GALNT7: variants seen among roughly 807,000 people sequenced by gnomAD.
GALNT7 encodes the protein polypeptide N-acetylgalactosaminyltransferase 7.
In GALNT7, 60 loss-of-function variants were observed where a neutral mutation model predicts 82.1. That is an observed-to-expected ratio of 0.73 (90% confidence interval 0.59 to 0.91). The LOEUF (loss-of-function observed/expected upper bound fraction) is 0.91. Ranked by LOEUF, GALNT7 falls within the 40% of genes least tolerant of loss-of-function variation. GALNT7 has a pLI of 0.00. For synonymous variants in GALNT7, 243 were observed against 275.1 expected (o/e 0.88, Z 1.15); for missense variants, 660 against 804.2 (o/e 0.82, Z 2.17).
At chr4:173,284,088 C>T (rs140065219) in intron 2 of GALNT7, among the ~76,000 whole-genome samples, 2 of 152,252 alleles carry the variant, frequency 1.3e-5, no homozygotes, top group East Asian at 1.9e-4. Context: ...CAAAAAGATT[C>T]GTTTAGTTTT....
At chr4:173,241,223 A>AAAG (rs1554023681) in intron 1 of GALNT7, among the ~76,000 whole-genome samples, 28,758 of 146,536 alleles carry the variant, frequency 0.2, 3,233 homozygotes, top group African/African-American at 0.29. Flanking sequence ...AAAAAAAAAA[A>AAAG]AAGAAAGAAA....
intron 8 of GALNT7, among the ~76,000 whole-genome samples, chr4:173,304,930 A>G (rs113874560): frequency 1.1e-3 from 169 of 152,210 alleles, no homozygotes; most frequent in African/African-American, 3.6e-3. Context: ...CTGTTGATGG[A>G]CACTTAGCTT....
chr4:173,313,570 CAA>C (rs957463269), intron 8 of GALNT7, among the ~76,000 whole-genome samples: 21 of 62,352 alleles, frequency 3.4e-4, no homozygotes, highest in Admixed American at 7.3e-4. Flanking sequence ...GACCCCATCA[CAA>C]AAAAAAAAAA....
chr4:173,285,006 G>GA lies in GALNT7; in HGVS notation c.588-7095dup, dbSNP rs535602902. On this transcript the variant is annotated intron_variant, in intron 2 of 11. Coordinates refer to ENST00000265000, the MANE Select transcript of GALNT7 (RefSeq NM_017423.3). ...CTTTTATTTCAAAGTTTAATTTACA[G>GA]AAAAAAATATATAATACCCTTTTGA... Among the ~76,000 whole-genome samples, 26 of 152,146 alleles carry GA rather than the reference G, an allele frequency of 1.7e-4. No homozygotes were observed. In the South Asian group the frequency reaches 5.2e-3, roughly 30 times the overall value.
intron 2 of GALNT7, among the ~76,000 whole-genome samples, chr4:173,256,576 T>A (rs1400623194): frequency 6.9e-6 from 1 of 144,132 alleles, no homozygotes; most frequent in East Asian, 2.3e-4. Flanking sequence ...CCTTCCCGTA[T>A]TTTTTTTCTG....
At chr4:173,299,004 CT>C (rs1274990779) in intron 6 of GALNT7, among the ~76,000 whole-genome samples, 1 of 152,230 alleles carries the variant, frequency 6.6e-6, no homozygotes, top group East Asian at 1.9e-4. Context: ...GAACATTTTA[CT>C]GTCTCTGTAA....
chr4:173,272,032 C>T (rs1429083496), intron 2 of GALNT7, among the ~76,000 whole-genome samples: 1 of 152,062 alleles, frequency 6.6e-6, no homozygotes, highest in African/African-American at 2.4e-5. Flanking sequence ...GTCTTTGTGC[C>T]CATCATTGAT....
chr4:173,293,682 G>A (rs925469300), intron 3 of GALNT7, among the ~76,000 whole-genome samples: 2 of 152,146 alleles, frequency 1.3e-5, no homozygotes, highest in African/African-American at 4.8e-5. Context: ...AGCTAACTGC[G>A]ACTGAGTTGG....
At chr4:173,278,145 G>A (rs1735983110) in intron 2 of GALNT7, among the ~76,000 whole-genome samples, 1 of 152,174 alleles carries the variant, frequency 6.6e-6, no homozygotes, top group South Asian at 2.1e-4. Context: ...GCCATCACTA[G>A]GTACCAGCAT....
chr4:173,185,139 C>T (rs1732425466), intron 1 of GALNT7, among the ~76,000 whole-genome samples: 1 of 152,190 alleles, frequency 6.6e-6, no homozygotes, highest in African/African-American at 2.4e-5. Flanking sequence ...ACAAAAATCA[C>T]CGTGCTTTGA....
At chr4:173,293,068 G>A (rs1736598929) in intron 3 of GALNT7, among the ~76,000 whole-genome samples, 1 of 151,934 alleles carries the variant, frequency 6.6e-6, no homozygotes, top group East Asian at 1.9e-4. Context: ...TAATTGAGAT[G>A]AACAAAAATC....
At chr4:173,197,519 T>C (rs2332656) in intron 1 of GALNT7, among the ~76,000 whole-genome samples, 145,108 of 152,318 alleles carry the variant, frequency 0.95, 69,369 homozygotes, top group Non-Finnish European at 1. Context: ...GGTTATACTA[T>C]TGGTAATCAG....
intron 1 of GALNT7, among the ~76,000 whole-genome samples, chr4:173,240,897 G>T (rs1374947974): frequency 1.3e-5 from 2 of 152,092 alleles, no homozygotes; most frequent in African/African-American, 4.8e-5. Context: ...GAAGCTCTGT[G>T]GGGGGTTAGA....
intron 1 of GALNT7, among the ~76,000 whole-genome samples, chr4:173,201,181 A>G (rs1224958210): frequency 1.3e-5 from 2 of 152,152 alleles, no homozygotes; most frequent in East Asian, 3.9e-4. Context: ...TGAATTTTGT[A>G]TTTATCTTTT....
At chr4:173,285,108 C>T (rs1030161686) in intron 2 of GALNT7, among the ~76,000 whole-genome samples, 3 of 152,136 alleles carry the variant, frequency 2.0e-5, no homozygotes, top group Non-Finnish European at 2.9e-5. Flanking sequence ...TTGCTTAAAC[C>T]TTCTGCTTTA....
At chr4:173,178,063 G>A (rs1274831998) in intron 1 of GALNT7, among the ~76,000 whole-genome samples, 3 of 138,748 alleles carry the variant, frequency 2.2e-5, no homozygotes, top group Admixed American at 7.0e-5. Flanking sequence ...GCGCGCACGC[G>A]CGTGCGCACA....
intron 1 of GALNT7, among the ~76,000 whole-genome samples, chr4:173,219,701 T>A (rs10005325): frequency 6.6e-6 from 1 of 152,130 alleles, no homozygotes; most frequent in Non-Finnish European, 1.5e-5. Context: ...AGGAATAAGG[T>A]GGTATCACAT....
intron 1 of GALNT7, among the ~76,000 whole-genome samples, chr4:173,208,947 T>C (rs1733186961): frequency 6.6e-6 from 1 of 152,262 alleles, no homozygotes; most frequent in Admixed American, 6.5e-5. Context: ...ACTTCTTACT[T>C]TGAAATCTTT....
At chr4:173,313,720 C>T (rs1379515533) in intron 8 of GALNT7, among the ~76,000 whole-genome samples, 1 of 151,954 alleles carries the variant, frequency 6.6e-6, no homozygotes, top group East Asian at 1.9e-4. Context: ...TATGATCTTC[C>T]AGCTCAGGGA....
Sources: gnomAD v4.1 joint callset for allele counts (sites outside exome capture counted in the v4.1 genomes callset) on GRCh38, gnomAD v4.1.1 for gene constraint, MANE v1.5 for transcripts, NCBI Gene and HGNC (gene_info 2026-07-23, HGNC 2026-07-21) for gene names.